The following EPHA6 variants were observed in gnomAD, a reference collection of about 807,000 sequenced individuals.
EPHA6 encodes the protein ephrin type-A receptor 6.
EPHA6 carries 50 observed loss-of-function variants against 112.0 expected under a neutral mutation model. That is an observed-to-expected ratio of 0.45 (90% CI 0.36 to 0.56). EPHA6 has a LOEUF of 0.56. EPHA6 is among the 20% of genes least tolerant of loss of function. The probability of loss-of-function intolerance (pLI) is 0.00; values close to 1 mark genes in which losing one functional copy is unlikely to be tolerated. For synonymous variants in EPHA6, 529 were observed against 490.7 expected, an observed-to-expected ratio of 1.08 and a Z score of -1.03; for missense variants, 1,280 against 1,417.4, an observed-to-expected ratio of 0.90 and a Z score of 1.56.
At chr3:97,732,000 C>T (rs963119938) in intron 15 of EPHA6, among the ~76,000 whole-genome samples, 1 of 151,968 alleles carries the variant, frequency 6.6e-6, no homozygotes, top group African/African-American at 2.4e-5. Context: ...TGCAAAGCTC[C>T]TTCCTGGATC....
intron 2 of EPHA6, among the ~76,000 whole-genome samples, chr3:96,887,748 C>T (rs1443457105): frequency 6.6e-6 from 1 of 152,080 alleles, no homozygotes; most frequent in African/African-American, 2.4e-5. Context: ...TCAGACTCTC[C>T]TTGGGCAAGT....
intron 12 of EPHA6, among the ~76,000 whole-genome samples, chr3:97,608,608 G>C (rs1478003454): frequency 2.0e-5 from 3 of 151,272 alleles, no homozygotes; most frequent in South Asian, 4.1e-4. Flanking sequence ...TTAGGGAAGA[G>C]GTGTGTTGTA....
At chr3:97,560,720 A>AC (rs781629902) in intron 11 of EPHA6, 2 of 152,034 alleles carry the variant, frequency 1.3e-5, no homozygotes, top group Non-Finnish European at 2.9e-5. Flanking sequence ...CCTTCTATGG[A>AC]CGTAGCATCT....
intron 13 of EPHA6, among the ~76,000 whole-genome samples, chr3:97,619,782 G>C (rs1178982726): frequency 6.6e-6 from 1 of 151,986 alleles, no homozygotes; most frequent in Non-Finnish European, 1.5e-5. Flanking sequence ...CAAACAAATG[G>C]AAAAACTTTC....
intron 3 of EPHA6, among the ~76,000 whole-genome samples, chr3:97,184,897 C>T (rs1444999600): frequency 6.6e-6 from 1 of 152,116 alleles, no homozygotes; most frequent in Admixed American, 6.5e-5. Context: ...ACAGAATCCT[C>T]AGAAATAATG....
intron 14 of EPHA6, among the ~76,000 whole-genome samples, chr3:97,640,301 C>G (rs961940854): frequency 7.2e-5 from 11 of 152,068 alleles, no homozygotes; most frequent in African/African-American, 2.7e-4. Flanking sequence ...GTGAATGGGC[C>G]TATCGATGAA....
intron 3 of EPHA6, among the ~76,000 whole-genome samples, chr3:97,165,990 CTATGAAGA>C (rs1157003662): frequency 6.6e-6 from 1 of 152,002 alleles, no homozygotes; most frequent in Admixed American, 6.6e-5. Flanking sequence ...TTCTGTGTAC[CTATGAAGA>C]TGTGATAAAT....
At chr3:96,833,653 A>G (rs1452594335) in intron 1 of EPHA6, among the ~76,000 whole-genome samples, 1 of 151,974 alleles carries the variant, frequency 6.6e-6, no homozygotes, top group Non-Finnish European at 1.5e-5. Context: ...AGAAAGTTAA[A>G]CCAGAGTAAG....
intron 14 of EPHA6, chr3:97,648,563 T>C: frequency 8.2e-7 from 1 of 1,222,984 alleles, no homozygotes; most frequent in South Asian, 3.5e-5. Flanking sequence ...AGAATAAATA[T>C]TTTAACACAA....
intron 5 of EPHA6, among the ~76,000 whole-genome samples, chr3:97,248,772 T>G (rs904325735): frequency 6.6e-6 from 1 of 152,068 alleles, no homozygotes; most frequent in African/African-American, 2.4e-5. Flanking sequence ...ACATTGAAAA[T>G]ATGTTTAAAT....
chr3:96,878,310 TAGAG>T (rs775621350), intron 2 of EPHA6, among the ~76,000 whole-genome samples: 18 of 148,232 alleles, frequency 1.2e-4, no homozygotes, highest in Middle Eastern at 6.9e-3. Flanking sequence ...GCCTGGAAAA[TAGAG>T]AGAGAGAGGG....
chr3:97,508,687 G>C (rs1236191625), intron 10 of EPHA6, among the ~76,000 whole-genome samples: 10 of 152,104 alleles, frequency 6.6e-5, no homozygotes, highest in Non-Finnish European at 1.5e-5. Flanking sequence ...TTGGTCCAGA[G>C]CTGAGTTCAA....
chr3:97,455,644 T>G (rs2090657380), intron 7 of EPHA6, among the ~76,000 whole-genome samples: 2 of 152,052 alleles, frequency 1.3e-5, no homozygotes, highest in African/African-American at 4.8e-5. Flanking sequence ...AGAAGACTAT[T>G]TATAAATCTC....
intron 3 of EPHA6, among the ~76,000 whole-genome samples, chr3:97,033,483 T>C (rs966141759): frequency 1.3e-5 from 2 of 151,952 alleles, no homozygotes; most frequent in Non-Finnish European, 2.9e-5. Flanking sequence ...CATAGAGATA[T>C]TCAAAACAAA....
chr3:97,346,753 C>A (rs1334414658), intron 5 of EPHA6, among the ~76,000 whole-genome samples: 1 of 151,740 alleles, frequency 6.6e-6, no homozygotes, highest in East Asian at 1.9e-4. Context: ...GCTGGGATAC[C>A]AAATGTCTAT....
At chr3:97,355,957 A>G (rs2084051586) in intron 5 of EPHA6, among the ~76,000 whole-genome samples, 1 of 152,196 alleles carries the variant, frequency 6.6e-6, no homozygotes, top group African/African-American at 2.4e-5. Flanking sequence ...TATGATGATA[A>G]AAGGGTCAAT....
At chr3:97,448,934 G>C (rs1265278096) in intron 7 of EPHA6, among the ~76,000 whole-genome samples, 1 of 152,036 alleles carries the variant, frequency 6.6e-6, no homozygotes, top group Non-Finnish European at 1.5e-5. Flanking sequence ...TACCATAAAA[G>C]TAATGTGGCC....
At chr3:97,690,770 G>A (rs1172279297) in intron 14 of EPHA6, among the ~76,000 whole-genome samples, 1 of 152,032 alleles carries the variant, frequency 6.6e-6, no homozygotes, top group Non-Finnish European at 1.5e-5. Flanking sequence ...GCCCAGCCTT[G>A]CCCATTTTTT....
At chr3:97,150,668 C>A (rs1434127313) in intron 3 of EPHA6, among the ~76,000 whole-genome samples, 1 of 152,062 alleles carries the variant, frequency 6.6e-6, no homozygotes, top group Non-Finnish European at 1.5e-5. Context: ...CATGTCTTCT[C>A]CCAATGTTCA....
Sources: allele counts gnomAD v4.1 joint callset (sites outside exome capture counted in the v4.1 genomes callset), GRCh38; gene constraint gnomAD v4.1.1; transcripts MANE v1.5; gene names NCBI Gene and HGNC (gene_info 2026-07-23, HGNC 2026-07-21).